NBEA: variants seen among roughly 807,000 people sequenced by gnomAD.
NBEA encodes lysosomal-trafficking regulator 2.
A neutral mutation model predicts 343.4 loss-of-function variants in NBEA; 44 were observed. The ratio of observed to expected loss-of-function variants is 0.13; its 90% CI spans 0.10 to 0.16. The LOEUF (loss-of-function observed/expected upper bound fraction) is 0.16. Among genes scored for constraint, NBEA ranks in the 10% least tolerant of loss-of-function variants. The pLI is 1.00. For synonymous variants in NBEA, 1,175 were observed against 1,238.7 expected (o/e 0.95, Z 1.08); for missense variants, 2,555 against 3,631.3 (o/e 0.70, Z 7.62).
rs1458559748 is a variant in NBEA at position 35,649,800 on chromosome 13, T to A, written c.7916T>A (p.Val2639Glu). ...TTGACCATCCCCGCAGTGGTGACAG[T>A]GACTTGCAGCCGACTCTTTGCAGTG... ...PHLTIPAVVT[V>E]TCSRLFAVNR... is the part of the protein sequence containing the mutation. The change falls in exon 52 of 59, where the codon GTG becomes GAG. Residue 2639 changes from valine (V) to glutamate (E), a missense_variant. By Grantham distance (121) the Val-to-Glu change is moderately radical (BLOSUM62 -2). Transcript: ENST00000379939. 1 of 1,614,034 alleles carries A rather than the reference T, an allele frequency of 6.2e-7. No individual in the cohort carries two copies. The highest frequency in any genetic ancestry group is 8.5e-7 in the Non-Finnish European group (1 of 1,179,902).
At chr13:35,308,162 T>G (rs958264592) in intron 35 of NBEA, among the ~76,000 whole-genome samples, 2 of 151,390 alleles carry the variant, frequency 1.3e-5, no homozygotes, top group African/African-American at 4.8e-5. Context: ...TCAGAATGAG[T>G]GTAAAGCCTT....
intron 1 of NBEA, among the ~76,000 whole-genome samples, chr13:34,944,095 G>T (rs981442131): frequency 6.6e-6 from 1 of 152,154 alleles, no homozygotes; most frequent in Non-Finnish European, 1.5e-5. Context: ...TTTAAATGCA[G>T]CCAAGCTTTT....
At chr13:35,610,554 C>T (rs1289985683) in intron 48 of NBEA, among the ~76,000 whole-genome samples, 1 of 146,698 alleles carries the variant, frequency 6.8e-6, no homozygotes, top group Non-Finnish European at 1.5e-5. Context: ...AAAATTAACT[C>T]AAAATAGATC....
At chr13:35,044,818 A>G (rs2062786452) in intron 2 of NBEA, 129 bp from the exon 3 acceptor site, 1 of 444,388 alleles carries the variant, frequency 2.3e-6, no homozygotes, top group African/African-American at 2.1e-5. Flanking sequence ...TTAGATACAT[A>G]TATATATATA....
At chr13:35,205,039 TATC>T (rs1187978674) in intron 31 of NBEA, among the ~76,000 whole-genome samples, 1 of 152,188 alleles carries the variant, frequency 6.6e-6, no homozygotes, top group Non-Finnish European at 1.5e-5. Context: ...ATTAATTTGT[TATC>T]AACACATACT....
chr13:35,507,833 G>A (rs1433468508), intron 41 of NBEA, among the ~76,000 whole-genome samples: 1 of 152,118 alleles, frequency 6.6e-6, no homozygotes, highest in Non-Finnish European at 1.5e-5. Context: ...TGTTGCAATG[G>A]AATTGCTCTA....
At chr13:35,081,187 G>C (rs886212528) in intron 10 of NBEA, among the ~76,000 whole-genome samples, 1 of 152,036 alleles carries the variant, frequency 6.6e-6, no homozygotes, top group African/African-American at 2.4e-5. Context: ...CTATTTTTCT[G>C]GTGGCTGTAT....
At chr13:35,122,586 G>T (rs1445476281) in intron 16 of NBEA, among the ~76,000 whole-genome samples, 1 of 132,972 alleles carries the variant, frequency 7.5e-6, no homozygotes, top group East Asian at 2.7e-4. Flanking sequence ...CGGGGGAGGG[G>T]GGAGGGATAG....
At chr13:35,113,323 C>T (rs1368782687) in intron 13 of NBEA, among the ~76,000 whole-genome samples, 1 of 152,038 alleles carries the variant, frequency 6.6e-6, no homozygotes, top group East Asian at 1.9e-4. Context: ...TAACTTTAAA[C>T]ATTTGATTAA....
chr13:35,373,027 G>T (rs1594391185), intron 38 of NBEA, among the ~76,000 whole-genome samples: 3 of 152,258 alleles, frequency 2.0e-5, no homozygotes, highest in Admixed American at 2.0e-4. Flanking sequence ...GAGCCTCCAA[G>T]GGCCAAGGGA....
chr13:35,347,816 G>T (rs1594301273), intron 36 of NBEA, among the ~76,000 whole-genome samples: 1 of 151,896 alleles, frequency 6.6e-6, no homozygotes. Context: ...ATGTGGAGTT[G>T]CCTGGGTCTG....
chr13:34,943,784 G>A (rs534548008), intron 1 of NBEA, among the ~76,000 whole-genome samples: 2 of 152,274 alleles, frequency 1.3e-5, no homozygotes, highest in South Asian at 4.1e-4. Context: ...GGTGTGTGAG[G>A]ACACCAAATC....
At chr13:35,383,061 C>T (rs953740136) in intron 38 of NBEA, among the ~76,000 whole-genome samples, 2 of 152,144 alleles carry the variant, frequency 1.3e-5, no homozygotes, top group African/African-American at 4.8e-5. Context: ...ACACATCTCA[C>T]TATACACTGA....
Position 35,432,405 on chromosome 13 carries a change from T to C in NBEA, c.6304+12T>C. 1 of 1,551,936 alleles carries C rather than the reference T, an allele frequency of 6.4e-7. No individual in the cohort carries two copies. Among genetic ancestry groups the C allele is most frequent in the Non-Finnish European group, 8.7e-7 (1 of 1,146,610 alleles). On this transcript the variant is annotated intron_variant, in intron 39 of 58. Coordinates refer to ENST00000379939, the MANE Select transcript of NBEA (RefSeq NM_001385012.1). Reference sequence around the variant, plus strand: ...TGCAATAGAATATGGTTAGTACCAATGCTTCTTCCACAAAAATACTTCTGG... The same window carrying C: ...TGCAATAGAATATGGTTAGTACCAACGCTTCTTCCACAAAAATACTTCTGG...
intron 1 of NBEA, among the ~76,000 whole-genome samples, chr13:34,977,801 G>A (rs1296872219): frequency 6.7e-6 from 1 of 149,960 alleles, no homozygotes; most frequent in African/African-American, 2.4e-5. Flanking sequence ...AGGACAGAAG[G>A]ATACACTTTT....
At position 35,208,754 on chromosome 13, in the gene NBEA, T is replaced by C. The variant is rs766024488; in HGVS notation, c.5421T>C (p.Thr1807=). The C allele has an allele frequency of 6.2e-7, 1 of 1,612,092 alleles. No individual in the cohort carries two copies. The highest frequency in any genetic ancestry group is 8.5e-7 in the Non-Finnish European group (1 of 1,178,838). Residue 1807 remains threonine (T), a synonymous_variant, in exon 32 of 59, where the codon ACT becomes ACC. Transcript: ENST00000379939. ...CTCCAGGTAGTTTAGCTGTAACCAC[T>C]GTGGGAGCCACTACTGCTGGAAGTG... ...KPPPGSLAVT[T]VGATTAGSGL...
rs937530867 is a variant in NBEA at position 35,613,974 on chromosome 13, C to T, written c.7449+7396C>T. ...TACTAATTTATGCCACTACTAACAG[C>T]GTAGTTGTTCCCCTTTTCTCCACAT... On this transcript the variant is annotated intron_variant, in intron 48 of 58. Coordinates refer to ENST00000379939, the MANE Select transcript of NBEA (RefSeq NM_001385012.1). 5.3e-5 allele frequency among the ~76,000 whole-genome samples: 8 copies of T among 152,152 alleles called. No homozygotes were observed. In the East Asian group the frequency reaches 7.7e-4, roughly 15 times the overall value.
chr13:35,148,045 T>C (rs1399423351), intron 18 of NBEA, among the ~76,000 whole-genome samples: 1 of 152,182 alleles, frequency 6.6e-6, no homozygotes, highest in African/African-American at 2.4e-5. Flanking sequence ...AGGCTGATGA[T>C]GCTCCAGGCT....
Position 35,136,155 on chromosome 13 carries a change from G to GA in NBEA, c.2337-6106dup, listed in dbSNP as rs201454045. ...GCAATGCATGCAAAATATTGACAGC[G>GA]AAAAAAAAGAACCCAGAGATTCTGG... is the stretch of plus-strand genomic sequence containing the variant. On this transcript the variant is annotated intron_variant, in intron 17 of 58. Coordinates refer to ENST00000379939, the MANE Select transcript of NBEA (RefSeq NM_001385012.1). Among the ~76,000 whole-genome samples, 43 of 151,686 alleles carry GA rather than the reference G, an allele frequency of 2.8e-4. No individual in the cohort carries two copies. The East Asian group carries it at 7.3e-3, about 26-fold the overall frequency.
Sources: gnomAD v4.1 joint callset for allele counts (sites outside exome capture counted in the v4.1 genomes callset) on GRCh38, gnomAD v4.1.1 for gene constraint, MANE v1.5 for transcripts, NCBI Gene and HGNC (gene_info 2026-07-23, HGNC 2026-07-21) for gene names.